Variants in FHIP2A observed in about 807,000 individuals in gnomAD.
The protein encoded by FHIP2A is FHF complex subunit HOOK interacting protein 2A, also known as family with sequence similarity 160 member B1.
In FHIP2A, 46 loss-of-function variants were observed where a neutral mutation model predicts 93.5. The ratio of observed to expected loss-of-function variants is 0.49; its 90% CI spans 0.39 to 0.63. The LOEUF (loss-of-function observed/expected upper bound fraction) is 0.63, where lower values mean the gene tolerates loss of function less well. Ranked by LOEUF, FHIP2A falls within the 20% of genes least tolerant of loss-of-function variation. FHIP2A has a pLI of 0.00. For synonymous variants in FHIP2A, 332 were observed against 326.5 expected (o/e 1.02, Z -0.18); for missense variants, 769 against 909.7 (o/e 0.85, Z 1.99).
chr10:114,875,809 AGAAAG>A (rs2083883145), intron 16 of FHIP2A, among the ~76,000 whole-genome samples: 2 of 151,122 alleles, frequency 1.3e-5, no homozygotes, highest in African/African-American at 4.9e-5. Context: ...AAGAACAGAA[AGAAAG>A]GAAAGAAGGT....
At chr10:114,896,536 G>A (rs2084002304) in intron 16 of FHIP2A, among the ~76,000 whole-genome samples, 1 of 152,208 alleles carries the variant, frequency 6.6e-6, no homozygotes, top group South Asian at 2.1e-4. Context: ...TCTGCTCACT[G>A]AGATAGATGC....
At chr10:114,881,000 G>C (rs149083695) in intron 16 of FHIP2A, among the ~76,000 whole-genome samples, 3 of 152,274 alleles carry the variant, frequency 2.0e-5, no homozygotes, top group Non-Finnish European at 2.9e-5. Context: ...TAACTTTCCA[G>C]TATAAACATA....
chr10:114,875,996 A>G (rs149854894), intron 16 of FHIP2A, among the ~76,000 whole-genome samples: 1,945 of 151,776 alleles, frequency 0.013, 115 homozygotes, highest in Admixed American at 0.1. Context: ...GAAAGAAAGA[A>G]AAAGAAAGAG....
rs376620909 is a variant in FHIP2A, at chr10:114,890,628, G to T, written c.2193-8862G>T. On this transcript the variant is annotated intron_variant, in intron 16 of 16. Transcript: ENST00000369250. ...AGTTTATAAAATATACGCTATATAT[G>T]ACATATATACCGTATATGACATATA... is the stretch of plus-strand genomic sequence containing the variant. Among the ~76,000 whole-genome samples, 4 of 140,226 alleles carry T rather than the reference G, an allele frequency of 2.9e-5. No homozygotes were observed. In the East Asian group the frequency reaches 8.0e-4, roughly 28 times the overall value. The allele number at this position is 140,226 out of a possible 152,430, so 92.0% of individuals were successfully genotyped here.
At chr10:114,888,019 T>C (rs891196232) in intron 16 of FHIP2A, among the ~76,000 whole-genome samples, 1 of 152,154 alleles carries the variant, frequency 6.6e-6, no homozygotes, top group East Asian at 1.9e-4. Context: ...ATCAGAGTAT[T>C]CATTCCCCAG....
chr10:114,837,891 C>T (rs1029826551), intron 5 of FHIP2A, among the ~76,000 whole-genome samples: 8 of 152,136 alleles, frequency 5.3e-5, no homozygotes, highest in Non-Finnish European at 1.2e-4. Flanking sequence ...TATGGATGTA[C>T]CACAGTTGTT....
intron 16 of FHIP2A, among the ~76,000 whole-genome samples, chr10:114,898,347 C>T (rs10787548): frequency 0.61 from 93,251 of 152,008 alleles, 29,875 homozygotes; most frequent in African/African-American, 0.8. Context: ...ATGCATGGCA[C>T]GTATATAGAA....
At chr10:114,854,662 A>G (rs2083756665) in intron 13 of FHIP2A, among the ~76,000 whole-genome samples, 1 of 152,154 alleles carries the variant, frequency 6.6e-6, no homozygotes, top group South Asian at 2.1e-4. Flanking sequence ...CTCATTGTGG[A>G]CGGTAGTGAA....
intron 13 of FHIP2A, among the ~76,000 whole-genome samples, chr10:114,853,616 A>G (rs964858840): frequency 7.9e-5 from 12 of 152,240 alleles, no homozygotes; most frequent in African/African-American, 2.7e-4. Context: ...TGCAGTTACA[A>G]TTGTTTCAGA....
intron 3 of FHIP2A, among the ~76,000 whole-genome samples, chr10:114,834,040 C>T (rs1182609098): frequency 1.3e-5 from 2 of 152,164 alleles, no homozygotes; most frequent in Non-Finnish European, 2.9e-5. Flanking sequence ...TCTTCCTCCT[C>T]TTTAAAATCC....
intron 16 of FHIP2A, among the ~76,000 whole-genome samples, chr10:114,888,157 C>T (rs2083952399): frequency 6.6e-6 from 1 of 152,222 alleles, no homozygotes; most frequent in South Asian, 2.1e-4. Flanking sequence ...TCTCCATTTG[C>T]TCCTTCAGGC....
chr10:114,882,461 G>A (rs2083921932), intron 16 of FHIP2A, among the ~76,000 whole-genome samples: 1 of 152,180 alleles, frequency 6.6e-6, no homozygotes, highest in Non-Finnish European at 1.5e-5. Flanking sequence ...AGTGCAGTGA[G>A]GACTACAAAG....
At position 114,846,381 on chromosome 10, in the gene FHIP2A, T is replaced by A; in HGVS notation, c.1398+14T>A. On this transcript the variant is annotated intron_variant, in intron 10 of 16. Transcript: ENST00000369248. ...ATATCTGATGAGGTAAGCTACGTAATGATTTAGAATTGGACTTAGATTCTT... is the reference window on the plus strand; with the variant it reads ...ATATCTGATGAGGTAAGCTACGTAAAGATTTAGAATTGGACTTAGATTCTT... 1 of 1,604,028 alleles carries A rather than the reference T, an allele frequency of 6.2e-7. No homozygotes were observed. The highest frequency in any genetic ancestry group is 8.5e-7 in the Non-Finnish European group (1 of 1,172,850).
Position 114,821,981 on chromosome 10 carries a change from C to T in FHIP2A, c.-98C>T. On this transcript the variant is annotated 5_prime_UTR_variant, in exon 1 of 17. Transcript: ENST00000369248. Reference sequence around the variant, plus strand: ...CCTCCCCGCCCCGCACCGGCCTTCACTCTGGAGCGGCCCCGGCAGCCGCAG... The same window carrying T: ...CCTCCCCGCCCCGCACCGGCCTTCATTCTGGAGCGGCCCCGGCAGCCGCAG... The T allele has an allele frequency of 8.0e-6, 6 of 754,118 alleles. No homozygotes were observed. Among genetic ancestry groups the T allele is most frequent in the Non-Finnish European group, 1.1e-5 (6 of 549,602 alleles). The allele number at this position is 754,118 out of a possible 1,614,324, so 46.7% of individuals were successfully genotyped here. A position where few individuals can be genotyped will look rare whatever the true frequency, so the allele number is the denominator to read the frequency against.
At chr10:114,833,028 T>G (rs2083616567) in intron 2 of FHIP2A, among the ~76,000 whole-genome samples, 1 of 152,178 alleles carries the variant, frequency 6.6e-6, no homozygotes, top group Admixed American at 6.5e-5. Context: ...TTCAGAATAT[T>G]GATTCAGTTT....
chr10:114,886,694 G>A (rs758048610), intron 16 of FHIP2A, among the ~76,000 whole-genome samples: 9 of 151,972 alleles, frequency 5.9e-5, no homozygotes, highest in East Asian at 1.9e-4. Flanking sequence ...ACAGGTGCCC[G>A]CCACCACACC....
At chr10:114,845,910 T>C in intron 8 of FHIP2A, 103 bp from the exon 9 acceptor site, 1 of 900,662 alleles carries the variant, frequency 1.1e-6, no homozygotes. Context: ...AAGTTTTGTC[T>C]TTCCACATTA....
downstream of FHIP2A, among the ~76,000 whole-genome samples, chr10:114,867,083 C>T (rs1375010396): frequency 6.6e-6 from 1 of 152,006 alleles, no homozygotes; most frequent in Non-Finnish European, 1.5e-5. Context: ...GTGGCACGTG[C>T]CTGTAATCCC....
intron 13 of FHIP2A, among the ~76,000 whole-genome samples, 168 bp from the exon 14 acceptor site, chr10:114,855,029 A>G (rs2083758534): frequency 6.6e-6 from 1 of 152,222 alleles, no homozygotes; most frequent in Non-Finnish European, 1.5e-5. Context: ...CTGTGCCCCT[A>G]GTCACAGAAA....
Sources: allele counts gnomAD v4.1 joint callset (sites outside exome capture counted in the v4.1 genomes callset), GRCh38; gene constraint gnomAD v4.1.1; transcripts MANE v1.5; gene names NCBI Gene and HGNC (gene_info 2026-07-23, HGNC 2026-07-21).